OGT: variants seen among roughly 807,000 people sequenced by gnomAD.
OGT encodes UDP-N-acetylglucosamine--peptide N-acetylglucosaminyltransferase 110 kDa subunit.
OGT carries 3 observed loss-of-function variants against 75.8 expected under a neutral mutation model. The ratio of observed to expected loss-of-function variants is 0.04; its 90% CI spans 0.02 to 0.10. The LOEUF (loss-of-function observed/expected upper bound fraction) is 0.10. Among genes scored for constraint, OGT ranks in the 10% least tolerant of loss-of-function variants. The probability of loss-of-function intolerance (pLI) is 1.00; values close to 1 mark genes in which losing one functional copy is unlikely to be tolerated. For synonymous variants in OGT, 257 were observed against 289.7 expected, an observed-to-expected ratio of 0.89 and a Z score of 1.15; for missense variants, 260 against 824.4, an observed-to-expected ratio of 0.32 and a Z score of 8.38.
At chrX:71,556,279 T>C (rs2040342870) in intron 8 of OGT, among the ~76,000 whole-genome samples, 185 bp downstream of exon 8, 1 of 112,488 alleles carries the variant, frequency 8.9e-6, no homozygotes, top group Non-Finnish European at 1.9e-5. Flanking sequence ...AGAAAATCCC[T>C]GCATTCAGAG....
chrX:71,551,005 T>C (rs1569426813), intron 5 of OGT, among the ~76,000 whole-genome samples: 2 of 111,314 alleles, frequency 1.8e-5, no homozygotes, highest in Admixed American at 9.6e-5. Flanking sequence ...CAGTTGTTAA[T>C]AATGTATATT....
intron 12 of OGT, among the ~76,000 whole-genome samples, chrX:71,558,632 C>T (rs2040359631): frequency 9.0e-6 from 1 of 111,032 alleles, no homozygotes; most frequent in South Asian, 3.8e-4. Context: ...GCTGGGATTA[C>T]AGGCATGAGC....
intron 13 of OGT, 33 bp downstream of exon 13, chrX:71,559,458 G>T (rs373087786): frequency 1.7e-6 from 2 of 1,172,733 alleles, no homozygotes; most frequent in African/African-American, 3.6e-5. Context: ...ATCACTATTT[G>T]TTTAAAAAAG....
chrX:71,550,405 A>G (rs1411069577), intron 5 of OGT, among the ~76,000 whole-genome samples: 1 of 110,521 alleles, frequency 9.0e-6, no homozygotes, highest in East Asian at 2.8e-4. Flanking sequence ...TTTTTTTGAG[A>G]TGAGGTCCTG....
chrX:71,560,292 AAAG>A (rs1224924563), intron 14 of OGT, among the ~76,000 whole-genome samples: 1 of 109,082 alleles, frequency 9.2e-6, no homozygotes, highest in Non-Finnish European at 1.9e-5. Context: ...AAAAAAAAAA[AAAG>A]AAAAAATAGA....
At position 71,536,533 on chromosome X, in the gene OGT, T is replaced by C. The variant is rs946964316; in HGVS notation, c.218+175T>C. 6.6e-5 allele frequency: 24 copies of C among 364,935 alleles called. No individual in the cohort carries two copies. The Admixed American group carries it at 1.1e-3, about 17-fold the overall frequency. The allele number at this position is 364,935 out of a possible 1,213,427, so 30.1% of individuals were successfully genotyped here. A position where few individuals can be genotyped will look rare whatever the true frequency, so the allele number is the denominator to read the frequency against. On this transcript the variant is annotated intron_variant, in intron 2 of 21. Coordinates refer to ENST00000373719, the MANE Select transcript of OGT (RefSeq NM_181672.3). ...ATGCCCAGCTGCCAGTTTTTCTCCT[T>C]CCTTTTGTGGTGGTGGTTATATTAT...
intron 14 of OGT, among the ~76,000 whole-genome samples, chrX:71,560,004 G>T (rs886883037): frequency 5.4e-5 from 6 of 110,831 alleles, no homozygotes; most frequent in African/African-American, 2.0e-4. Flanking sequence ...AAATAGGGCC[G>T]GGTGTGGTGA....
intron 18 of OGT, 133 bp downstream of exon 18, chrX:71,563,632 G>A (rs1036826613): frequency 5.2e-5 from 26 of 501,659 alleles, no homozygotes; most frequent in Non-Finnish European, 7.4e-5. Flanking sequence ...TAGTGGAAAC[G>A]TGCATCTTAT....
At chrX:71,571,664 G>A (rs1456742540) in intron 21 of OGT, among the ~76,000 whole-genome samples, 1 of 112,523 alleles carries the variant, frequency 8.9e-6, no homozygotes, top group Admixed American at 9.4e-5. Context: ...CTCCTGAAGT[G>A]TTGGGATTAC....
chrX:71,561,088 C>G (rs1295299851), intron 14 of OGT, among the ~76,000 whole-genome samples: 1 of 109,487 alleles, frequency 9.1e-6, no homozygotes, highest in Non-Finnish European at 1.9e-5. Flanking sequence ...CCACCACACC[C>G]GGCTAATTTT....
intron 3 of OGT, among the ~76,000 whole-genome samples, chrX:71,538,448 G>A (rs917529755): frequency 8.9e-6 from 1 of 112,085 alleles, no homozygotes; most frequent in African/African-American, 3.2e-5. Flanking sequence ...TGTAAAATCT[G>A]TAATATAAAA....
At chrX:71,543,614 G>A (rs531519212) in intron 3 of OGT, among the ~76,000 whole-genome samples, 1 of 109,411 alleles carries the variant, frequency 9.1e-6, no homozygotes, top group African/African-American at 3.3e-5. Context: ...CCTAAGGGTA[G>A]GTTTGCTCAT....
intron 4 of OGT, chrX:71,546,539 A>G (rs1333345060): frequency 1.3e-6 from 1 of 754,484 alleles, no homozygotes; most frequent in African/African-American, 2.3e-5. Context: ...CCATGCCTGA[A>G]TCTTCTGTCT....
At chrX:71,545,622 T>A (rs2040254087) in intron 4 of OGT, 1 of 112,138 alleles carries the variant, frequency 8.9e-6, no homozygotes, top group Non-Finnish European at 1.9e-5. Context: ...TAGCTGTCTG[T>A]TTGACTGCTT....
intron 3 of OGT, among the ~76,000 whole-genome samples, chrX:71,542,062 G>T (rs1259148843): frequency 9.0e-6 from 1 of 111,712 alleles, no homozygotes; most frequent in Non-Finnish European, 1.9e-5. Context: ...TTTAGTGTGT[G>T]CCTTGTCTTT....
At chrX:71,534,531 G>A (rs2040161061) in intron 1 of OGT, among the ~76,000 whole-genome samples, 2 of 110,998 alleles carry the variant, frequency 1.8e-5, no homozygotes, top group African/African-American at 6.6e-5. Context: ...GATGTGTGGA[G>A]GGTTTTAGCT....
At position 71,537,948 on chromosome X, in the gene OGT, G is replaced by A. The variant is rs377762466; in HGVS notation, c.338G>A (p.Arg113Gln). The change falls in exon 3 of 22, where the codon CGA becomes CAA. Residue 113 changes from arginine to glutamine, a missense_variant. Arg to Gln is a conservative substitution (Grantham distance 43). This residue lies in a region of OGT where 38 missense variants were observed against 117.1 expected (regional missense o/e 0.32). Coordinates refer to ENST00000373719, the MANE Select transcript of OGT (RefSeq NM_181672.3). ...GQLQEAIEHYRHALRLKPDFI... is the reference protein window; with the variant it reads ...GQLQEAIEHYQHALRLKPDFI... Reference sequence around the variant, plus strand: ...TTGCAGGAGGCAATTGAGCATTATCGACATGCATTGCGTCTCAAACCTGAT... The same window carrying A: ...TTGCAGGAGGCAATTGAGCATTATCAACATGCATTGCGTCTCAAACCTGAT... 6 of 1,211,727 alleles carry A rather than the reference G, an allele frequency of 5.0e-6. No individual in the cohort carries two copies. The highest frequency in any genetic ancestry group is 5.6e-6 in the Non-Finnish European group (5 of 895,495).
intron 3 of OGT, among the ~76,000 whole-genome samples, chrX:71,538,547 A>G (rs1409462876): frequency 8.9e-6 from 1 of 112,222 alleles, no homozygotes; most frequent in Non-Finnish European, 1.9e-5. Flanking sequence ...TTCTCTTTCA[A>G]TGTAATTAGA....
chrX:71,547,728 G>T (rs1212730256), intron 4 of OGT, 179 bp from the exon 5 acceptor site: 2 of 1,080,349 alleles, frequency 1.9e-6, no homozygotes, highest in Non-Finnish European at 2.4e-6. Context: ...CTGTGGCAGC[G>T]CATTAGTTTT....
Sources: gnomAD v4.1 joint callset for allele counts (sites outside exome capture counted in the v4.1 genomes callset) on GRCh38, gnomAD v4.1.1 for gene constraint, gnomAD v4.1.1 regional missense constraint, MANE v1.5 for transcripts, NCBI Gene and HGNC (gene_info 2026-07-23, HGNC 2026-07-21) for gene names.